The following NPAS3 variants were observed in gnomAD, a reference collection of about 807,000 sequenced individuals.
NPAS3 encodes neuronal PAS domain protein 3.
A neutral mutation model predicts 73.1 loss-of-function variants in NPAS3; 14 were observed. The ratio of observed to expected loss-of-function variants is 0.19; its 90% CI spans 0.13 to 0.30. The LOEUF (loss-of-function observed/expected upper bound fraction) is 0.30, where lower values mean the gene tolerates loss of function less well. Among genes scored for constraint, NPAS3 ranks in the 10% least tolerant of loss-of-function variants. The probability of loss-of-function intolerance (pLI) is 1.00; values close to 1 mark genes in which losing one functional copy is unlikely to be tolerated. For synonymous variants in NPAS3, 620 were observed against 541.5 expected (o/e 1.14, Z -2.01); for missense variants, 1,096 against 1,250.0 (o/e 0.88, Z 1.86).
At chr14:33,240,229 T>A (rs1266292935) in intron 3 of NPAS3, among the ~76,000 whole-genome samples, 1 of 151,866 alleles carries the variant, frequency 6.6e-6, no homozygotes, top group Non-Finnish European at 1.5e-5. Context: ...CTTACAAAGC[T>A]GGAGCCCTTT....
chr14:33,271,362 G>A (rs938029644), intron 3 of NPAS3, among the ~76,000 whole-genome samples: 8 of 152,088 alleles, frequency 5.3e-5, no homozygotes, highest in African/African-American at 1.9e-4. Flanking sequence ...TAGTATTTAG[G>A]TCTCATGGCT....
At chr14:33,248,706 T>C (rs1170858709) in intron 3 of NPAS3, among the ~76,000 whole-genome samples, 1 of 152,242 alleles carries the variant, frequency 6.6e-6, no homozygotes. Flanking sequence ...CCCACTGTGA[T>C]TGGTTGTCAC....
intron 3 of NPAS3, among the ~76,000 whole-genome samples, chr14:33,331,850 CT>C (rs1183162102): frequency 1.3e-5 from 2 of 152,192 alleles, no homozygotes; most frequent in Admixed American, 1.3e-4. Context: ...CAGGGCCACG[CT>C]GTAGAATAAG....
At chr14:33,319,299 G>A (rs1406177955) in intron 3 of NPAS3, among the ~76,000 whole-genome samples, 1 of 152,106 alleles carries the variant, frequency 6.6e-6, no homozygotes, top group South Asian at 2.1e-4. Context: ...CAAGTCACAA[G>A]GCCAGCCTTG....
chr14:33,332,394 A>G (rs2044026867), intron 3 of NPAS3, among the ~76,000 whole-genome samples: 1 of 152,198 alleles, frequency 6.6e-6, no homozygotes. Flanking sequence ...CAAATATTTG[A>G]TCAGTATCAT....
At chr14:33,086,354 T>C (rs972411703) in intron 2 of NPAS3, among the ~76,000 whole-genome samples, 9 of 152,198 alleles carry the variant, frequency 5.9e-5, no homozygotes, top group African/African-American at 1.9e-4. Context: ...TTCCATATAT[T>C]CTTCTAATAA....
At chr14:33,326,833 A>G (rs2043730583) in intron 3 of NPAS3, among the ~76,000 whole-genome samples, 1 of 152,206 alleles carries the variant, frequency 6.6e-6, no homozygotes, top group Non-Finnish European at 1.5e-5. Context: ...GAGCTTGCAA[A>G]GAAATGTCGG....
chr14:33,203,757 A>G (rs1459961221), intron 2 of NPAS3, among the ~76,000 whole-genome samples: 4 of 152,190 alleles, frequency 2.6e-5, no homozygotes, highest in African/African-American at 7.2e-5. Flanking sequence ...AGTCTTTCCT[A>G]TTGTGAATAA....
chr14:33,241,448 C>G (rs1158750255), intron 3 of NPAS3, among the ~76,000 whole-genome samples: 1 of 151,952 alleles, frequency 6.6e-6, no homozygotes, highest in Non-Finnish European at 1.5e-5. Context: ...TCCACTTTCT[C>G]TATGATCAGA....
intron 1 of NPAS3, among the ~76,000 whole-genome samples, chr14:33,040,855 G>A (rs1230127984): frequency 6.6e-6 from 1 of 152,098 alleles, no homozygotes; most frequent in African/African-American, 2.4e-5. Flanking sequence ...CTTCACATTT[G>A]CATAGAACTT....
intron 3 of NPAS3, among the ~76,000 whole-genome samples, chr14:33,291,825 GA>G (rs1298319124): frequency 6.6e-6 from 1 of 152,182 alleles, no homozygotes; most frequent in Non-Finnish European, 1.5e-5. Flanking sequence ...AGGTATTACG[GA>G]ATAACGGTAC....
At chr14:33,114,451 T>A (rs1454952816) in intron 2 of NPAS3, among the ~76,000 whole-genome samples, 1 of 152,176 alleles carries the variant, frequency 6.6e-6, no homozygotes, top group African/African-American at 2.4e-5. Context: ...AATGATGCCG[T>A]GCTGCTGAGA....
At chr14:32,997,780 G>A (rs1239890226) in intron 1 of NPAS3, among the ~76,000 whole-genome samples, 2 of 136,732 alleles carry the variant, frequency 1.5e-5, no homozygotes, top group Non-Finnish European at 1.6e-5. Context: ...AAAAAAAAAA[G>A]ATGTGACTTG....
rs182678036 is a variant in NPAS3 at position 33,785,374 on chromosome 14, G to A, written c.1153+6802G>A. 2.0e-3 allele frequency among the ~76,000 whole-genome samples: 297 copies of A among 146,308 alleles called. 2 individuals are homozygous for A. In the Middle Eastern group the frequency reaches 0.026, roughly 13 times the overall value. On this transcript the variant is annotated intron_variant, in intron 9 of 11. Transcript: ENST00000356141. ...GGTGTGAACCCGGGAGGTGGAGCTT[G>A]CAGTGAGCCAAGATCATGCCACTGC...
At chr14:33,586,283 A>T (rs1469774555) in intron 5 of NPAS3, among the ~76,000 whole-genome samples, 1 of 147,834 alleles carries the variant, frequency 6.8e-6, no homozygotes, top group Non-Finnish European at 1.5e-5. Context: ...ACTTTCCAAA[A>T]GGATTTTGAG....
chr14:33,736,617 C>T (rs556681353), intron 7 of NPAS3, among the ~76,000 whole-genome samples: 38 of 152,284 alleles, frequency 2.5e-4, no homozygotes, highest in African/African-American at 8.7e-4. Context: ...GTTTGGAGTT[C>T]TATAAGCAGA....
At chr14:33,483,823 C>T (rs557239644) in intron 4 of NPAS3, among the ~76,000 whole-genome samples, 59 of 152,312 alleles carry the variant, frequency 3.9e-4, no homozygotes, top group South Asian at 3.1e-3. Context: ...AGTCAGCCTA[C>T]GGCTGACCTT....
At chr14:33,654,119 C>T (rs1044508668) in intron 5 of NPAS3, among the ~76,000 whole-genome samples, 1 of 151,904 alleles carries the variant, frequency 6.6e-6, no homozygotes, top group Non-Finnish European at 1.5e-5. Context: ...TTATGCATTT[C>T]CTTGTTTATT....
intron 1 of NPAS3, among the ~76,000 whole-genome samples, chr14:32,939,933 G>A (rs1175192840): frequency 6.6e-6 from 1 of 152,136 alleles, no homozygotes. Context: ...CGAGCAGCTA[G>A]GCCGGGCCGA....
Sources: allele counts gnomAD v4.1 joint callset (sites outside exome capture counted in the v4.1 genomes callset), GRCh38; gene constraint gnomAD v4.1.1; transcripts MANE v1.5; gene names NCBI Gene and HGNC (gene_info 2026-07-23, HGNC 2026-07-21).